The following RYR1 variants were observed in gnomAD, a reference collection of about 807,000 sequenced individuals.
The protein encoded by RYR1 is ryanodine receptor 1.
RYR1 carries 342 observed loss-of-function variants against 583.5 expected under a neutral mutation model. The observed-to-expected ratio is 0.59, with a 90% confidence interval of 0.54 to 0.64. RYR1 has a LOEUF of 0.64. RYR1 is among the 30% of genes least tolerant of loss of function. RYR1 has a pLI of 0.00. For missense variants in RYR1, 6,032 were observed against 6,917.2 expected, an observed-to-expected ratio of 0.87 and a Z score of 4.54; for synonymous variants, 2,791 against 2,822.5, an observed-to-expected ratio of 0.99 and a Z score of 0.35.
chr19:38,534,341 A>G (rs1415918747), intron 78 of RYR1, among the ~76,000 whole-genome samples: 1 of 152,172 alleles, frequency 6.6e-6, no homozygotes, highest in Non-Finnish European at 1.5e-5. Context: ...TGACAAAGCC[A>G]CAGGTTCTGC....
At chr19:38,452,730 G>T (rs1434541992) in intron 12 of RYR1, 89 bp from the exon 13 acceptor site, 2 of 1,224,606 alleles carry the variant, frequency 1.6e-6, no homozygotes, top group African/African-American at 3.0e-5. Context: ...GGGTGGGTCT[G>T]GGGGAGTCTT....
chr19:38,490,023 A>G (rs763251835), intron 35 of RYR1, 53 bp from the exon 36 acceptor site: 2 of 1,580,096 alleles, frequency 1.3e-6, no homozygotes, highest in Admixed American at 1.7e-5. Flanking sequence ...GTTTCAAGGA[A>G]GTCCTGATGG....
In RYR1 at chr19:38,551,477, C is replaced by A. The variant is rs555151702; in HGVS notation, c.12282+3057C>A. On this transcript the variant is annotated intron_variant, in intron 89 of 105. Coordinates refer to ENST00000359596, the MANE Select transcript of RYR1 (RefSeq NM_000540.3). ...GAGTTAAAATCAAAGTGCCCCATGC[C>A]TTCCAGTTGTCCCCCAAGAGCCTCA... Among the ~76,000 whole-genome samples the A allele has an allele frequency of 3.3e-5, 5 of 152,200 alleles. No homozygotes were observed. The East Asian group carries it at 9.7e-4, about 29-fold the overall frequency.
intron 64 of RYR1, among the ~76,000 whole-genome samples, chr19:38,515,457 AAG>A (rs371258622): frequency 3.9e-5 from 6 of 152,180 alleles, no homozygotes; most frequent in Admixed American, 1.3e-4. Flanking sequence ...CTGATACAGC[AAG>A]AGCGAGGCTG....
intron 78 of RYR1, among the ~76,000 whole-genome samples, chr19:38,533,222 G>A (rs1971820687): frequency 6.6e-6 from 1 of 152,186 alleles, no homozygotes; most frequent in Non-Finnish European, 1.5e-5. Context: ...AGGGAGAATA[G>A]TATATGCCAA....
At chr19:38,527,445 G>A (rs940897157) in intron 72 of RYR1, 5 of 657,594 alleles carry the variant, frequency 7.6e-6, no homozygotes, top group Non-Finnish European at 1.3e-5. Context: ...AGGAGGCAGA[G>A]GTTGCAGTGA....
intron 91 of RYR1, among the ~76,000 whole-genome samples, chr19:38,566,206 T>C (rs889749000): frequency 2.6e-5 from 4 of 151,796 alleles, no homozygotes; most frequent in Non-Finnish European, 5.9e-5. Flanking sequence ...CCCAGCACTT[T>C]GGGAGGCCGA....
At chr19:38,442,841 A>G (rs901682747) in intron 3 of RYR1, among the ~76,000 whole-genome samples, 2 of 152,082 alleles carry the variant, frequency 1.3e-5, no homozygotes, top group African/African-American at 4.8e-5. Flanking sequence ...TCCTCTTTCC[A>G]GTCCTTTCCC....
intron 22 of RYR1, 125 bp from the exon 23 acceptor site, chr19:38,464,514 G>T (rs974572470): frequency 2.2e-5 from 16 of 741,288 alleles, no homozygotes; most frequent in Non-Finnish European, 7.0e-6. Flanking sequence ...GAGAGACAGG[G>T]CCAGAGCGCC....
At chr19:38,573,036 C>A in intron 95 of RYR1, 141 bp from the exon 96 acceptor site, 1 of 1,396,386 alleles carries the variant, frequency 7.2e-7, no homozygotes, top group South Asian at 1.2e-5. Context: ...CTGCCTGGGC[C>A]TCATTTCTAC....
In RYR1 at chr19:38,557,051, C is replaced by CTTTT. The variant is rs35027525; in HGVS notation, c.12283-4045_12283-4042dup. Among the ~76,000 whole-genome samples, 1,073 of 108,788 alleles carry CTTTT rather than the reference C, an allele frequency of 9.9e-3. 6 individuals are homozygous for CTTTT. The highest frequency in any genetic ancestry group is 0.013 in the Middle Eastern group (2 of 154). 71.4% of individuals were successfully genotyped at this position (108,788 alleles called of 152,430 possible). On this transcript the variant is annotated intron_variant, in intron 89 of 105. Coordinates refer to ENST00000359596, the MANE Select transcript of RYR1 (RefSeq NM_000540.3). ...TTGCAAAATGGCGATAGTCTCATTT[C>CTTTT]TTTTTTTTTTTTTTTTTTTTGTGAC...
In RYR1 at chr19:38,444,615, T is replaced by C. The variant is rs752090652; in HGVS notation, c.569T>C (p.Val190Ala). The change falls in exon 7 of 106, where the codon GTT (valine) becomes GCT (alanine). Residue 190 changes from valine to alanine, a missense_variant. Around this residue, in one of 11 missense-constraint regions of RYR1, gnomAD observed 338 missense variants for 441.6 expected, o/e 0.77. Coordinates refer to ENST00000359596, the MANE Select transcript of RYR1 (RefSeq NM_000540.3). The surrounding 1 kb of genome is among the most constrained non-coding windows in gnomAD (Gnocchi z 5.1). ...HLSTASGELQ[V>A]DASFMQTLWN... Reference sequence around the variant, plus strand: ...TCGACCGCCAGTGGGGAGCTCCAGGTTGACGCTTCCTTCATGCAGACACTA... The same window carrying C: ...TCGACCGCCAGTGGGGAGCTCCAGGCTGACGCTTCCTTCATGCAGACACTA... 9.3e-6 allele frequency: 15 copies of C among 1,613,912 alleles called. No individual in the cohort carries two copies. In the South Asian group the frequency reaches 1.5e-4, roughly 17 times the overall value.
intron 90 of RYR1, among the ~76,000 whole-genome samples, chr19:38,562,948 C>G (rs1973220579): frequency 6.6e-6 from 1 of 152,198 alleles, no homozygotes; most frequent in Non-Finnish European, 1.5e-5. Flanking sequence ...TGCATACACA[C>G]CCCCATCTGG....
rs776979677 is a variant in RYR1 at position 38,565,122 on chromosome 19, A to AGGGCGC, written c.12797_12802dup (p.Gly4266_Ala4267dup). The AGGGCGC allele has an allele frequency of 3.6e-5, 56 of 1,536,102 alleles. No individual in the cohort carries two copies. The highest frequency in any genetic ancestry group is 2.1e-4 in the Middle Eastern group (1 of 4,866). On this transcript the variant is annotated inframe_insertion, in exon 91 of 106. Transcript: ENST00000359596. This position sits in a 1 kb window ranked among gnomAD's most constrained non-coding sequence, Gnocchi z 4.7. ...GGCGAGCCGGAGACCGACGAGGACG[A>AGGGCGC]GGGCGCGGGCGCGGCGGAGGCGGGC...
At position 38,455,247 on chromosome 19, in the gene RYR1, A is replaced by G. The variant is rs147723844; in HGVS notation, c.1453A>G (p.Met485Val). Reference protein sequence around the residue: ...SLFQEEGMLSMVLNCIDRLNV... With the variant: ...SLFQEEGMLSVVLNCIDRLNV... The stretch of plus-strand genomic sequence containing the variant: ...TTCCTCATCCTAGGGGATGCTCTCC[A>G]TGGTCCTGAATTGCATAGACCGCCT... The change falls in exon 14 of 106, where the codon ATG becomes GTG. Residue 485 changes from methionine (M) to valine (V), a missense_variant. Transcript: ENST00000359596. 2.9e-4 allele frequency: 468 copies of G among 1,614,064 alleles called. No homozygotes were observed. Among genetic ancestry groups the G allele is most frequent in the Middle Eastern group, 8.2e-4 (5 of 6,062 alleles).
Position 38,532,746 on chromosome 19 carries a change from C to T in RYR1, c.11259+10C>T. 1 of 1,613,640 alleles carries T rather than the reference C, an allele frequency of 6.2e-7. No homozygotes were observed. The highest frequency in any genetic ancestry group is 8.5e-7 in the Non-Finnish European group (1 of 1,179,836). On this transcript the variant is annotated intron_variant, in intron 78 of 105. Coordinates refer to ENST00000359596, the MANE Select transcript of RYR1 (RefSeq NM_000540.3). The stretch of plus-strand genomic sequence containing the variant: ...TGAGGTCTCCTTTGAGGTAGGTGGG[C>T]TCAGGAGGTCCTGGAGGGAAGGGAT...
At position 38,500,600 on chromosome 19, in the gene RYR1, C is replaced by T. The variant is rs1358438781; in HGVS notation, c.7324-6C>T. On this transcript the variant is annotated splice_region_variant and splice_polypyrimidine_tract_variant and intron_variant, in intron 45 of 105. Transcript: ENST00000359596. The surrounding 1 kb of genome is among the most constrained non-coding windows in gnomAD (Gnocchi z 5.9). ...GAGTGCCCCTCTCCCTCCCTCTACT[C>T]CCCAGCTAATCCAAGCCGGCAAGGG... 1 of 1,612,424 alleles carries T rather than the reference C, an allele frequency of 6.2e-7. No homozygotes were observed. The highest frequency in any genetic ancestry group is 1.7e-5 in the Admixed American group (1 of 60,010).
Position 38,557,804 on chromosome 19 carries a change from C to CA in RYR1, c.12283-3301dup, listed in dbSNP as rs1372682812. Among the ~76,000 whole-genome samples the CA allele has an allele frequency of 5.4e-5, 8 of 148,820 alleles. No individual in the cohort carries two copies. The East Asian group carries it at 9.9e-4, about 18-fold the overall frequency. On this transcript the variant is annotated intron_variant, in intron 89 of 105. Coordinates refer to ENST00000359596, the MANE Select transcript of RYR1 (RefSeq NM_000540.3). ...GGGTGACAAGAGCGAAATTCTGTCT[C>CA]AAAAAAAAGAAATAAAAATACAAAA...
At chr19:38,514,966 G>A in intron 63 of RYR1, 60 bp from the exon 64 acceptor site, 2 of 1,140,652 alleles carry the variant, frequency 1.8e-6, no homozygotes, top group South Asian at 2.5e-5. Context: ...CAAGGGAGGT[G>A]GGGTGGGGAG....
Sources: allele counts gnomAD v4.1 joint callset (sites outside exome capture counted in the v4.1 genomes callset), GRCh38; gene constraint gnomAD v4.1.1; regional missense constraint gnomAD v4.1.1; non-coding constraint Gnocchi (gnomAD v3.1); transcripts MANE v1.5; gene names NCBI Gene and HGNC (gene_info 2026-07-23, HGNC 2026-07-21).